NIPSNAP1: variants seen among roughly 807,000 people sequenced by gnomAD.
NIPSNAP1 encodes the protein protein NipSnap homolog 1.
In NIPSNAP1, 25 loss-of-function variants were observed where a neutral mutation model predicts 49.2. The ratio of observed to expected loss-of-function variants is 0.51; its 90% CI spans 0.37 to 0.71. NIPSNAP1 has a LOEUF of 0.71. Among genes scored for constraint, NIPSNAP1 ranks in the 30% least tolerant of loss-of-function variants. The pLI is 0.00. For missense variants in NIPSNAP1, 294 were observed against 361.0 expected, an observed-to-expected ratio of 0.81 and a Z score of 1.50; for synonymous variants, 143 against 140.7, an observed-to-expected ratio of 1.02 and a Z score of -0.12.
In NIPSNAP1 at chr22:29,559,124, G is replaced by C. The variant is rs79466275; in HGVS notation, c.707-171C>G. On this transcript the variant is annotated intron_variant, in intron 8 of 9. Coordinates refer to ENST00000216121, the MANE Select transcript of NIPSNAP1 (RefSeq NM_003634.4). Reference sequence around the variant, plus strand: ...TCTGCTTTAATCATCCATCCAATCAGTACATATGTTAATATTGCCTACATT... The same window carrying C: ...TCTGCTTTAATCATCCATCCAATCACTACATATGTTAATATTGCCTACATT... Among the ~76,000 whole-genome samples the C allele has an allele frequency of 7.4e-3, 1,123 of 152,258 alleles. 7 individuals carry two copies. Among genetic ancestry groups the C allele is most frequent in the Non-Finnish European group, 0.013 (880 of 68,032 alleles).
intron 9 of NIPSNAP1, among the ~76,000 whole-genome samples, chr22:29,557,426 A>G (rs150733869): frequency 6.8e-6 from 1 of 147,430 alleles, no homozygotes; most frequent in African/African-American, 2.5e-5. Context: ...CTTGTTTTTT[A>G]TTATTTTTAT....
chr22:29,561,166 CTTACCAGT>C lies in NIPSNAP1; in HGVS notation c.608_611+4del. The C allele has an allele frequency of 6.2e-7, 1 of 1,612,872 alleles. No individual in the cohort carries two copies. The highest frequency in any genetic ancestry group is 8.5e-7 in the Non-Finnish European group (1 of 1,179,094). On this transcript the variant is annotated splice_donor_variant and splice_donor_region_variant and coding_sequence_variant and intron_variant, in exon 7 of 10. Transcript: ENST00000216121. LOFTEE classifies it high-confidence loss of function. Reference sequence around the variant, plus strand: ...CCCAACCCCAGTCTTGGTGCTGCCACTTACCAGTTGTTCCCCCACTCGATCATGGTTCC... The same window carrying C: ...CCCAACCCCAGTCTTGGTGCTGCCACTGTTCCCCCACTCGATCATGGTTCC...
At chr22:29,561,146 C>A (rs372765883) in intron 7 of NIPSNAP1, 25 bp downstream of exon 7, 19 of 1,608,462 alleles carry the variant, frequency 1.2e-5, no homozygotes, top group Admixed American at 1.7e-5. Flanking sequence ...CCTCCCCCAA[C>A]CCCAGTCTTG....
chr22:29,570,031 C>T, intron 3 of NIPSNAP1, 131 bp downstream of exon 3: 2 of 775,130 alleles, frequency 2.6e-6, no homozygotes, highest in Non-Finnish European at 4.5e-6. Context: ...AAGAAAAAGG[C>T]AGAAATAAAA....
intron 1 of NIPSNAP1, among the ~76,000 whole-genome samples, chr22:29,571,684 T>C (rs2064408464): frequency 6.6e-6 from 1 of 152,226 alleles, no homozygotes. Context: ...GAGGGATCCC[T>C]GAGTGGCAGC....
chr22:29,557,824 A>G (rs954136499), intron 9 of NIPSNAP1, among the ~76,000 whole-genome samples: 4 of 152,130 alleles, frequency 2.6e-5, no homozygotes, highest in Non-Finnish European at 4.4e-5. Flanking sequence ...AAACTTCTCA[A>G]TGGCAAGGAC....
At chr22:29,572,490 G>A (rs1465741837) in intron 1 of NIPSNAP1, among the ~76,000 whole-genome samples, 1 of 151,376 alleles carries the variant, frequency 6.6e-6, no homozygotes, top group Non-Finnish European at 1.5e-5. Flanking sequence ...AGATCAGCCT[G>A]GGCAACAAAA....
intron 1 of NIPSNAP1, among the ~76,000 whole-genome samples, chr22:29,576,710 G>T (rs1450905680): frequency 2.0e-5 from 3 of 151,368 alleles, no homozygotes; most frequent in African/African-American, 7.4e-5. Flanking sequence ...TGGATCACAA[G>T]GTCAGGAGTT....
In NIPSNAP1 at chr22:29,573,177, C is replaced by T. The variant is rs556976093; in HGVS notation, c.99-2645G>A. The stretch of plus-strand genomic sequence containing the variant: ...TCAGCCTCCCAAGTAGCTGGGACTA[C>T]AGACGTGTGCCACCACGCCCAGCTA... On this transcript the variant is annotated intron_variant, in intron 1 of 9. Transcript: ENST00000216121. 1.1e-3 allele frequency among the ~76,000 whole-genome samples: 162 copies of T among 152,188 alleles called. 1 individual carries two copies. The highest frequency in any genetic ancestry group is 3.8e-3 in the African/African-American group (156 of 41,536).
At chr22:29,576,924 C>T (rs888482036) in intron 1 of NIPSNAP1, among the ~76,000 whole-genome samples, 1 of 103,414 alleles carries the variant, frequency 9.7e-6, no homozygotes, top group Non-Finnish European at 2.0e-5. Flanking sequence ...GACTCCGTCT[C>T]AAAAAAAAAA....
intron 8 of NIPSNAP1, 32 bp from the exon 9 acceptor site, chr22:29,558,985 CA>C: frequency 6.6e-6 from 10 of 1,504,104 alleles, no homozygotes; most frequent in Non-Finnish European, 9.2e-6. Context: ...ATTCCTCAGG[CA>C]CAGAGGACTG....
In NIPSNAP1 at chr22:29,570,523, G is replaced by A. The variant is rs758470894; in HGVS notation, c.108C>T (p.Ser36=). ...GGAACCAGCTGCCTTCATTGTCCTT[G>A]GAATAGAAACTGCAGGACAGAGGAG... ...VASAAAARFY[S]KDNEGSWFRS... Residue 36 remains serine (S), a synonymous_variant, in exon 2 of 10, where the codon TCC becomes TCT. Transcript: ENST00000216121. 1.2e-5 allele frequency: 19 copies of A among 1,613,454 alleles called. No homozygotes were observed. Among genetic ancestry groups the A allele is most frequent in the Non-Finnish European group, 1.6e-5 (19 of 1,179,822 alleles).
chr22:29,566,948 C>G (rs1490379107), intron 4 of NIPSNAP1, among the ~76,000 whole-genome samples: 2 of 152,058 alleles, frequency 1.3e-5, no homozygotes, highest in Admixed American at 6.6e-5. Flanking sequence ...ATGGTGAAAC[C>G]CTGTTTCTAC....
intron 9 of NIPSNAP1, among the ~76,000 whole-genome samples, chr22:29,557,874 A>C (rs1395941317): frequency 1.3e-5 from 2 of 151,968 alleles, no homozygotes; most frequent in Admixed American, 6.6e-5. Context: ...CCACCTACCT[A>C]CCACAGTTCC....
At chr22:29,560,510 T>C (rs1413189301) in intron 8 of NIPSNAP1, among the ~76,000 whole-genome samples, 1 of 152,158 alleles carries the variant, frequency 6.6e-6, no homozygotes, top group Non-Finnish European at 1.5e-5. Flanking sequence ...CCTCCCAAAG[T>C]GTCGTGATTA....
At chr22:29,571,554 G>A (rs541385532) in intron 1 of NIPSNAP1, among the ~76,000 whole-genome samples, 1 of 152,192 alleles carries the variant, frequency 6.6e-6, no homozygotes, top group East Asian at 1.9e-4. Flanking sequence ...CCAGCAGGAG[G>A]CAGGGGTGCT....
At chr22:29,557,721 A>T (rs1009284072) in intron 9 of NIPSNAP1, among the ~76,000 whole-genome samples, 1 of 152,188 alleles carries the variant, frequency 6.6e-6, no homozygotes, top group Non-Finnish European at 1.5e-5. Flanking sequence ...GTGAGCCACC[A>T]TACCCAGCTG....
chr22:29,558,843 C>T (rs1007457640), intron 9 of NIPSNAP1, 27 bp downstream of exon 9: 1 of 1,543,048 alleles, frequency 6.5e-7, no homozygotes, highest in Non-Finnish European at 9.0e-7. Flanking sequence ...GGGTTCTCAG[C>T]AGAAGACCTC....
At chr22:29,563,501 T>C (rs9613957) in intron 4 of NIPSNAP1, among the ~76,000 whole-genome samples, 36,480 of 151,854 alleles carry the variant, frequency 0.24, 4,450 homozygotes, top group Non-Finnish European at 0.28. Context: ...CACTCCAGCC[T>C]GGGCAAAAGA....
Sources: allele counts gnomAD v4.1 joint callset (sites outside exome capture counted in the v4.1 genomes callset), GRCh38; gene constraint gnomAD v4.1.1; transcripts MANE v1.5; gene names NCBI Gene and HGNC (gene_info 2026-07-23, HGNC 2026-07-21).